The following LRRC4C variants were observed in gnomAD, a reference collection of about 807,000 sequenced individuals.
LRRC4C encodes the protein leucine rich repeat containing 4C, also known as leucine-rich repeat-containing protein 4C.
LRRC4C carries 5 observed loss-of-function variants against 33.6 expected under a neutral mutation model. The ratio of observed to expected loss-of-function variants is 0.15; its 90% CI spans 0.08 to 0.31. The LOEUF is 0.31. Ranked by LOEUF, LRRC4C falls within the 10% of genes least tolerant of loss-of-function variation. The probability of loss-of-function intolerance (pLI) is 1.00; values close to 1 mark genes in which losing one functional copy is unlikely to be tolerated. For synonymous variants in LRRC4C, 329 were observed against 302.0 expected (o/e 1.09, Z -0.93); for missense variants, 560 against 796.7 (o/e 0.70, Z 3.58).
At chr11:40,961,143 G>A (rs940367503) in intron 1 of LRRC4C, among the ~76,000 whole-genome samples, 13 of 151,722 alleles carry the variant, frequency 8.6e-5, no homozygotes, top group African/African-American at 2.9e-4. Flanking sequence ...AGGTTCAGCT[G>A]TATAAGTTAT....
At chr11:40,657,362 G>A (rs1182358674) in intron 2 of LRRC4C, among the ~76,000 whole-genome samples, 3 of 152,182 alleles carry the variant, frequency 2.0e-5, no homozygotes, top group Non-Finnish European at 4.4e-5. Flanking sequence ...GTGCTACACT[G>A]TAAGATGCTT....
At chr11:40,189,984 C>T (rs762647381) in intron 5 of LRRC4C, among the ~76,000 whole-genome samples, 1 of 152,128 alleles carries the variant, frequency 6.6e-6, no homozygotes, top group Admixed American at 6.5e-5. Flanking sequence ...AGAATCACAG[C>T]AAATGAGGTT....
chr11:40,868,440 T>A (rs1024745670), intron 2 of LRRC4C, among the ~76,000 whole-genome samples: 2 of 152,088 alleles, frequency 1.3e-5, no homozygotes, highest in African/African-American at 4.8e-5. Flanking sequence ...CAGAAATTCC[T>A]CCTACACCCA....
At chr11:41,370,565 T>C (rs954561799) in intron 1 of LRRC4C, among the ~76,000 whole-genome samples, 16 of 152,142 alleles carry the variant, frequency 1.1e-4, no homozygotes, top group African/African-American at 3.6e-4. Context: ...GCCGCCACCA[T>C]GTAAGAAGCG....
At chr11:40,956,910 C>T (rs1958980629) in intron 1 of LRRC4C, among the ~76,000 whole-genome samples, 1 of 151,636 alleles carries the variant, frequency 6.6e-6, no homozygotes, top group African/African-American at 2.4e-5. Flanking sequence ...GAAGAAAGAA[C>T]TGGATACTTG....
chr11:41,439,657 T>C (rs1955549851), intron 1 of LRRC4C, among the ~76,000 whole-genome samples: 1 of 152,232 alleles, frequency 6.6e-6, no homozygotes, highest in African/African-American at 2.4e-5. Flanking sequence ...TTTTTTCATA[T>C]GTCTGTTAGC....
At chr11:40,924,053 G>A (rs1160209939) in intron 2 of LRRC4C, among the ~76,000 whole-genome samples, 1 of 151,222 alleles carries the variant, frequency 6.6e-6, no homozygotes, top group Non-Finnish European at 1.5e-5. Context: ...GACTTGTAGA[G>A]TTATATATAT....
chr11:40,893,284 T>A (rs1205866600), intron 2 of LRRC4C, among the ~76,000 whole-genome samples: 4 of 151,992 alleles, frequency 2.6e-5, no homozygotes, highest in Non-Finnish European at 5.9e-5. Flanking sequence ...AAAATACAGT[T>A]AGCTACAATG....
At chr11:41,129,353 C>G (rs1484518807) in intron 1 of LRRC4C, among the ~76,000 whole-genome samples, 1 of 151,902 alleles carries the variant, frequency 6.6e-6, no homozygotes, top group Non-Finnish European at 1.5e-5. Flanking sequence ...ACTTTTTCCT[C>G]TATTTTTTAA....
At chr11:40,675,446 C>T (rs985908216) in intron 2 of LRRC4C, among the ~76,000 whole-genome samples, 21 of 152,242 alleles carry the variant, frequency 1.4e-4, no homozygotes, top group South Asian at 6.2e-4. Context: ...TGGGAAACCA[C>T]GTTAAGCAGA....
chr11:40,537,084 C>T (rs1344471214), intron 3 of LRRC4C, among the ~76,000 whole-genome samples: 1 of 152,078 alleles, frequency 6.6e-6, no homozygotes, highest in Non-Finnish European at 1.5e-5. Flanking sequence ...AAATATTAGC[C>T]ATGGGGGGAA....
rs535691518 is a variant in LRRC4C, at chr11:41,201,267, T to G, written c.-496+258164A>C. On this transcript the variant is annotated intron_variant, in intron 1 of 6. Transcript: ENST00000528697. ...TGTACGAGTCTCTATTTAAAGAAAC[T>G]GAACAGTAGCTGAAATTAACCTAGA... Among the ~76,000 whole-genome samples, 8 of 152,318 alleles carry G rather than the reference T, an allele frequency of 5.3e-5. 1 individual carries two copies. In the South Asian group the frequency reaches 1.2e-3, roughly 24 times the overall value.
At chr11:41,090,456 A>G (rs907109096) in intron 1 of LRRC4C, among the ~76,000 whole-genome samples, 2 of 152,166 alleles carry the variant, frequency 1.3e-5, no homozygotes, top group Non-Finnish European at 2.9e-5. Context: ...TTTAGTTTCA[A>G]AAAGATTGAT....
chr11:40,637,131 C>T (rs1941799422), intron 3 of LRRC4C, among the ~76,000 whole-genome samples: 1 of 152,170 alleles, frequency 6.6e-6, no homozygotes, highest in Non-Finnish European at 1.5e-5. Flanking sequence ...TTTAAAAGTG[C>T]CTTTTGGCAA....
intron 3 of LRRC4C, among the ~76,000 whole-genome samples, chr11:40,353,574 C>G (rs1329391614): frequency 6.6e-6 from 1 of 152,002 alleles, no homozygotes; most frequent in Non-Finnish European, 1.5e-5. Context: ...ATTAACCAGG[C>G]CTAGTGTCAC....
At chr11:41,090,723 C>T (rs1940351884) in intron 1 of LRRC4C, among the ~76,000 whole-genome samples, 1 of 152,060 alleles carries the variant, frequency 6.6e-6, no homozygotes. Flanking sequence ...GGGGCAGTTT[C>T]CCCTATGATG....
chr11:40,355,602 A>G (rs972521010), intron 3 of LRRC4C, among the ~76,000 whole-genome samples: 6 of 152,120 alleles, frequency 3.9e-5, no homozygotes, highest in Admixed American at 3.9e-4. Context: ...GTGACAGGGC[A>G]GCACTGAGTT....
In LRRC4C at chr11:40,671,646, AGTGTGT is replaced by A. The variant is rs145275244; in HGVS notation, c.-406-23374_-406-23369del. Among the ~76,000 whole-genome samples, 475 of 140,560 alleles carry A rather than the reference AGTGTGT, an allele frequency of 3.4e-3. 3 individuals are homozygous for A. Among genetic ancestry groups the A allele is most frequent in the African/African-American group, 0.011 (425 of 38,126 alleles). 92.2% of individuals were successfully genotyped at this position (140,560 alleles called of 152,430 possible). ...CATTCCTTCATTCTTGTCCTTATTC[AGTGTGT>A]GTGTGTGTGTGTGTGTGTGTGTGTG... On this transcript the variant is annotated intron_variant, in intron 2 of 6. Transcript: ENST00000528697.
intron 3 of LRRC4C, among the ~76,000 whole-genome samples, chr11:40,508,228 T>A (rs1955134317): frequency 6.6e-6 from 1 of 152,208 alleles, no homozygotes; most frequent in East Asian, 1.9e-4. Flanking sequence ...TAATGGTGGC[T>A]TTTTCCAGAA....
Sources: allele counts gnomAD v4.1 joint callset (sites outside exome capture counted in the v4.1 genomes callset), GRCh38; gene constraint gnomAD v4.1.1; transcripts MANE v1.5; gene names NCBI Gene and HGNC (gene_info 2026-07-23, HGNC 2026-07-21).